TUBB8B: variants seen among roughly 807,000 people sequenced by gnomAD.
TUBB8B encodes the protein tubulin beta 8B.
A neutral mutation model predicts 31.9 loss-of-function variants in TUBB8B; 26 were observed. The observed-to-expected ratio is 0.81, with a 90% CI of 0.60 to 1.13. TUBB8B has a LOEUF of 1.13. Among genes scored for constraint, TUBB8B ranks in the 50% most tolerant of loss-of-function variants. The pLI, the probability that TUBB8B is intolerant of heterozygous loss-of-function variation, is 0.00. For missense variants in TUBB8B, 467 were observed against 586.7 expected, an observed-to-expected ratio of 0.80 and a Z score of 2.11; for synonymous variants, 173 against 231.0, an observed-to-expected ratio of 0.75 and a Z score of 2.28.
chr18:54,048 CTG>C (rs1193351900), upstream of TUBB8B, among the ~76,000 whole-genome samples: 159 of 151,748 alleles, frequency 1.0e-3, 2 homozygotes, highest in African/African-American at 3.6e-3. Flanking sequence ...GACTGACTGA[CTG>C]AGAGCTATGG....
At chr18:71,568 T>TAAAAAA in the TUBB8B span, among the ~76,000 whole-genome samples, 2 of 78,466 alleles carry the variant, frequency 2.5e-5, 1 homozygote, top group African/African-American at 9.2e-5. Context: ...AAAAAAAAAT[T>TAAAAAA]TAAAAAAAAA....
chr18:51,600 T>C (rs1418018890), upstream of TUBB8B, among the ~76,000 whole-genome samples: 1 of 151,970 alleles, frequency 6.6e-6, no homozygotes, highest in Non-Finnish European at 1.5e-5. Flanking sequence ...CCACCATGCC[T>C]GTCTAATTTT....
upstream of TUBB8B, among the ~76,000 whole-genome samples, chr18:52,271 C>A (rs1368698388): frequency 4.6e-5 from 7 of 151,838 alleles, no homozygotes; most frequent in Non-Finnish European, 1.0e-4. Context: ...CCTGGGGCAG[C>A]CTCCAGGCTA....
At chr18:49,293 G>T (rs1308437947) in intron 1 of TUBB8B, 56 bp from the exon 2 acceptor site, 18 of 1,480,186 alleles carry the variant, frequency 1.2e-5, no homozygotes, top group Non-Finnish European at 1.5e-5. Context: ...AGGCGCCCCA[G>T]CCGCTCTCCC....
At chr18:53,701 A>G (rs1906195587), upstream of TUBB8B, among the ~76,000 whole-genome samples, 1 of 151,822 alleles carries the variant, frequency 6.6e-6, no homozygotes, top group African/African-American at 2.4e-5. Context: ...ACCCCTGACA[A>G]CAAGTGATCT....
chr18:62,829 T>A, the TUBB8B span, among the ~76,000 whole-genome samples: 1 of 151,886 alleles, frequency 6.6e-6, no homozygotes. Flanking sequence ...GCTTTATTTT[T>A]CATTCTTTTT....
the TUBB8B span, among the ~76,000 whole-genome samples, chr18:58,604 G>A: frequency 7.9e-5 from 12 of 151,716 alleles, no homozygotes; most frequent in African/African-American, 2.7e-4. Flanking sequence ...TTTCGTCAAA[G>A]CCATTCAAAG....
In TUBB8B at chr18:48,935, C is replaced by G; in HGVS notation, c.277+5G>C. On this transcript the variant is annotated splice_donor_5th_base_variant and intron_variant, in intron 3 of 3. Transcript: ENST00000308911. Reference sequence around the variant, plus strand: ...GCCGCACCCCAGTCCTCGCCCGCAGCTCACCGGAAATGAAGTTGTCTGGCC... The same window carrying G: ...GCCGCACCCCAGTCCTCGCCCGCAGGTCACCGGAAATGAAGTTGTCTGGCC... 1 of 1,568,486 alleles carries G rather than the reference C, an allele frequency of 6.4e-7. No homozygotes were observed. The highest frequency in any genetic ancestry group is 2.3e-5 in the East Asian group (1 of 44,444).
the TUBB8B span, among the ~76,000 whole-genome samples, chr18:57,549 T>A: frequency 6.6e-6 from 1 of 151,830 alleles, no homozygotes; most frequent in Non-Finnish European, 1.5e-5. Flanking sequence ...GCTGCTCTCA[T>A]GGGCTGGTAT....
At chr18:48,759 G>C (rs554586862) in intron 3 of TUBB8B, 181 bp downstream of exon 3, 18 of 707,712 alleles carry the variant, frequency 2.5e-5, no homozygotes, top group Non-Finnish European at 3.8e-5. Context: ...TCACCTTGAG[G>C]AGACACCGGG....
At chr18:67,077 C>A in the TUBB8B span, among the ~76,000 whole-genome samples, 2 of 150,476 alleles carry the variant, frequency 1.3e-5, no homozygotes, top group Non-Finnish European at 2.9e-5. Context: ...CTCACTGCAA[C>A]CTCTGCCTCC....
chr18:48,454 GAC>G lies in TUBB8B; in HGVS notation c.278-9_278-8del. The stretch of plus-strand genomic sequence containing the variant: ...TTTCCGGCCCCACACTGACCTGTAA[GAC>G]AGCACAGCCGGTCACTCGACGGCCA... On this transcript the variant is annotated splice_polypyrimidine_tract_variant and splice_region_variant and intron_variant, in intron 3 of 3. Coordinates refer to ENST00000308911, the MANE Select transcript of TUBB8B (RefSeq NM_001358689.2). 6.5e-7 allele frequency: 1 copy of G among 1,530,504 alleles called. No homozygotes were observed. Among genetic ancestry groups the G allele is most frequent in the Non-Finnish European group, 9.0e-7 (1 of 1,106,826 alleles). 94.8% of individuals were successfully genotyped at this position (1,530,504 alleles called of 1,614,324 possible).
At chr18:72,700 C>G in the TUBB8B span, among the ~76,000 whole-genome samples, 8 of 152,244 alleles carry the variant, frequency 5.3e-5, no homozygotes, top group Admixed American at 5.2e-4. Context: ...CGACGTGGCT[C>G]ACGCCTGTAA....
At chr18:63,211 CA>C in the TUBB8B span, among the ~76,000 whole-genome samples, 1 of 151,680 alleles carries the variant, frequency 6.6e-6, no homozygotes, top group Non-Finnish European at 1.5e-5. Flanking sequence ...CATATCTGGG[CA>C]TTGAAGAGTT....
the TUBB8B span, among the ~76,000 whole-genome samples, chr18:70,372 C>A: frequency 0.18 from 22,014 of 124,772 alleles, no homozygotes; most frequent in African/African-American, 0.31. Flanking sequence ...GTGGCTCATG[C>A]CTGTAATCCC....
chr18:52,278 G>C (rs998355265), upstream of TUBB8B, among the ~76,000 whole-genome samples: 2 of 151,822 alleles, frequency 1.3e-5, no homozygotes, highest in African/African-American at 4.8e-5. Flanking sequence ...CAGCCTCCAG[G>C]CTACTGCAAA....
chr18:48,618 G>A lies in TUBB8B; in HGVS notation c.278-171C>T, dbSNP rs150952701. ...GAGTTACAGGACAGCAGCTTCCCCT[G>A]TTAGAAATTAAGACAGGAGTCAAAC... On this transcript the variant is annotated intron_variant, in intron 3 of 3. Coordinates refer to ENST00000308911, the MANE Select transcript of TUBB8B (RefSeq NM_001358689.2). 5.8e-4 allele frequency: 398 copies of A among 688,348 alleles called. 11 individuals are homozygous for A. In the East Asian group the frequency reaches 8.1e-3, roughly 14 times the overall value. 42.6% of individuals were successfully genotyped at this position (688,348 alleles called of 1,614,324 possible).
chr18:62,372 T>C, the TUBB8B span, among the ~76,000 whole-genome samples: 1 of 151,532 alleles, frequency 6.6e-6, no homozygotes, highest in Admixed American at 6.6e-5. Flanking sequence ...AATGTTGATA[T>C]CAAATGTTGG....
the TUBB8B span, among the ~76,000 whole-genome samples, chr18:61,644 C>T: frequency 3.9e-5 from 5 of 128,446 alleles, no homozygotes; most frequent in Non-Finnish European, 8.2e-5. Context: ...TACCATGAGG[C>T]TTGAATATAA....
Sources: gnomAD v4.1 joint callset for allele counts (sites outside exome capture counted in the v4.1 genomes callset) on GRCh38, gnomAD v4.1.1 for gene constraint, MANE v1.5 for transcripts, NCBI Gene and HGNC (gene_info 2026-07-23, HGNC 2026-07-21) for gene names.